The following FAM185A variants were observed in gnomAD, a reference collection of about 807,000 sequenced individuals.
FAM185A encodes protein FAM185A.
FAM185A carries 21 observed loss-of-function variants against 45.7 expected under a neutral mutation model. The ratio of observed to expected loss-of-function variants is 0.46; its 90% CI spans 0.33 to 0.66. The LOEUF (loss-of-function observed/expected upper bound fraction) is 0.66. Ranked by LOEUF, FAM185A falls within the 30% of genes least tolerant of loss-of-function variation. The pLI is 0.03. For missense variants in FAM185A, 305 were observed against 485.4 expected, an observed-to-expected ratio of 0.63 and a Z score of 3.49; for synonymous variants, 117 against 194.0, an observed-to-expected ratio of 0.60 and a Z score of 3.30.
the FAM185A span, chr7:102,833,038 A>G: frequency 6.4e-7 from 1 of 1,551,042 alleles, no homozygotes; most frequent in Non-Finnish European, 8.8e-7. Flanking sequence ...TCTTACTTAT[A>G]GTAGCTTATT....
intron 4 of FAM185A, among the ~76,000 whole-genome samples, chr7:102,769,216 T>C (rs1463645596): frequency 2.6e-5 from 4 of 152,162 alleles, no homozygotes; most frequent in African/African-American, 9.6e-5. Flanking sequence ...GTTTTTGTTG[T>C]TGTTGCTCCA....
At chr7:102,837,541 C>T in the FAM185A span, among the ~76,000 whole-genome samples, 3 of 152,158 alleles carry the variant, frequency 2.0e-5, no homozygotes, top group Admixed American at 6.6e-5. Flanking sequence ...GGAAGAGATG[C>T]GCTTTCAAAT....
At chr7:102,817,108 C>T in the FAM185A span, among the ~76,000 whole-genome samples, 4 of 152,072 alleles carry the variant, frequency 2.6e-5, no homozygotes, top group Admixed American at 6.6e-5. Context: ...ATTTCTTTTC[C>T]TTTGGGTAGA....
chr7:102,758,237 T>C (rs534965411), intron 3 of FAM185A, among the ~76,000 whole-genome samples: 142 of 152,234 alleles, frequency 9.3e-4, no homozygotes, highest in African/African-American at 3.2e-3. Flanking sequence ...TTTATCATCA[T>C]AGATTAAAAT....
the FAM185A span, among the ~76,000 whole-genome samples, chr7:102,825,398 T>A: frequency 3.2e-3 from 493 of 152,334 alleles, 3 homozygotes; most frequent in Middle Eastern, 6.8e-3. Flanking sequence ...TGCCATGCGA[T>A]TCCCTGCGTT....
At chr7:102,831,124 T>A in the FAM185A span, among the ~76,000 whole-genome samples, 1 of 152,136 alleles carries the variant, frequency 6.6e-6, no homozygotes, top group Non-Finnish European at 1.5e-5. Flanking sequence ...GCTACCAATC[T>A]CCCACCTGGA....
At chr7:102,813,465 A>T (rs76271897), downstream of FAM185A, 1 of 1,614,088 alleles carries the variant, frequency 6.2e-7, no homozygotes, top group Non-Finnish European at 8.5e-7. Context: ...AGCCAAACCA[A>T]CGTGGAGGGT....
intron 6 of FAM185A, among the ~76,000 whole-genome samples, chr7:102,785,029 T>C (rs531167666): frequency 1.3e-3 from 186 of 148,604 alleles, no homozygotes; most frequent in African/African-American, 4.3e-3. Context: ...AGCATTCTTA[T>C]ATACCGATAA....
intron 6 of FAM185A, among the ~76,000 whole-genome samples, chr7:102,786,689 C>G (rs1206999015): frequency 6.6e-6 from 1 of 152,002 alleles, no homozygotes; most frequent in African/African-American, 2.4e-5. Context: ...GGGGTCAGGG[C>G]AGTGGGGAGG....
intron 2 of FAM185A, among the ~76,000 whole-genome samples, chr7:102,757,312 G>GT (rs1231376534): frequency 4.6e-5 from 7 of 152,018 alleles, no homozygotes; most frequent in Non-Finnish European, 8.8e-5. Flanking sequence ...TAGATTTTGG[G>GT]TTTTTTTCTG....
At chr7:102,815,727 A>C in the FAM185A span, among the ~76,000 whole-genome samples, 1 of 152,162 alleles carries the variant, frequency 6.6e-6, no homozygotes, top group Non-Finnish European at 1.5e-5. Context: ...ATGTCAGAAG[A>C]GCAACAGTTT....
chr7:102,754,366 AATTTTGGCCAGGC>A (rs1422570488), intron 2 of FAM185A, among the ~76,000 whole-genome samples: 1 of 152,124 alleles, frequency 6.6e-6, no homozygotes, highest in East Asian at 1.9e-4. Context: ...ATGCTCGGCT[AATTTTGGCCAGGC>A]ATGTTGGCCA....
intron 7 of FAM185A, among the ~76,000 whole-genome samples, chr7:102,795,413 A>C: frequency 6.6e-6 from 1 of 152,158 alleles, no homozygotes; most frequent in Non-Finnish European, 1.5e-5. Context: ...TCTTCTGGGC[A>C]GGATGGAGTT....
chr7:102,794,465 ATACT>A (rs1259651966), intron 7 of FAM185A, among the ~76,000 whole-genome samples: 3 of 152,354 alleles, frequency 2.0e-5, no homozygotes, highest in African/African-American at 7.2e-5. Flanking sequence ...AAAATACTAC[ATACT>A]TACTAGAATG....
the FAM185A span, among the ~76,000 whole-genome samples, chr7:102,835,603 GTTTTT>G: frequency 1.2e-3 from 118 of 97,504 alleles, no homozygotes; most frequent in Admixed American, 2.0e-3. Context: ...AGGTGACATT[GTTTTT>G]TTTTTTTTTT....
Position 102,750,133 on chromosome 7 carries a change from A to G in FAM185A, c.451+475A>G, listed in dbSNP as rs535052070. Among the ~76,000 whole-genome samples the G allele has an allele frequency of 4.6e-5, 7 of 152,206 alleles. No homozygotes were observed. The East Asian group carries it at 1.2e-3, about 25-fold the overall frequency. ...GTTTTAGACGGGCGCCCAGCTTCTTACTGTTATATTTCCATTCTTTTTGGC... is the reference window on the plus strand; with the variant it reads ...GTTTTAGACGGGCGCCCAGCTTCTTGCTGTTATATTTCCATTCTTTTTGGC... On this transcript the variant is annotated intron_variant, in intron 1 of 7. Coordinates refer to ENST00000413034, the MANE Select transcript of FAM185A (RefSeq NM_001145268.2).
At chr7:102,813,608 G>A, downstream of FAM185A, 1 of 1,443,820 alleles carries the variant, frequency 6.9e-7, no homozygotes. Flanking sequence ...AACCAAATTT[G>A]GAGTTAGGGA....
At position 102,777,354 on chromosome 7, in the gene FAM185A, T is replaced by G; in HGVS notation, c.931+6T>G. 6.7e-7 allele frequency: 1 copy of G among 1,494,742 alleles called. No individual in the cohort carries two copies. Among genetic ancestry groups the G allele is most frequent in the Non-Finnish European group, 9.0e-7 (1 of 1,113,130 alleles). The allele number at this position is 1,494,742 out of a possible 1,614,324, so 92.6% of individuals were successfully genotyped here. ...GGAATTGAAATCCCATAAAGGTTAG[T>G]GAACTGGAATGTTTTATTTTGACAT... On this transcript the variant is annotated splice_donor_region_variant and intron_variant, in intron 6 of 7. Transcript: ENST00000413034.
At chr7:102,802,459 A>G (rs528060262) in intron 7 of FAM185A, among the ~76,000 whole-genome samples, 2 of 152,334 alleles carry the variant, frequency 1.3e-5, no homozygotes, top group Admixed American at 6.5e-5. Context: ...CAAAAACAAA[A>G]TCAAGATGGA....
Sources: allele counts gnomAD v4.1 joint callset (sites outside exome capture counted in the v4.1 genomes callset), GRCh38; gene constraint gnomAD v4.1.1; transcripts MANE v1.5; gene names NCBI Gene and HGNC (gene_info 2026-07-23, HGNC 2026-07-21).